MVB12B: variants seen among roughly 807,000 people sequenced by gnomAD.
The protein encoded by MVB12B is multivesicular body subunit 12B.
Under a neutral mutation model 41.6 loss-of-function variants are expected in MVB12B, and 16 were observed. That is an observed-to-expected ratio of 0.38 (90% CI 0.26 to 0.58). The LOEUF is 0.58. Ranked by LOEUF, MVB12B falls within the 20% of genes least tolerant of loss-of-function variation. The pLI is 0.62. For synonymous variants in MVB12B, 133 were observed against 139.7 expected, an observed-to-expected ratio of 0.95 and a Z score of 0.34; for missense variants, 274 against 380.2, an observed-to-expected ratio of 0.72 and a Z score of 2.32.
At chr9:126,496,242 T>TACCCAACCATCCATCCACCTACCC (rs1258965993) in intron 9 of MVB12B, among the ~76,000 whole-genome samples, 1 of 86,344 alleles carries the variant, frequency 1.2e-5, no homozygotes, top group Non-Finnish European at 2.1e-5. Context: ...TACACCCACT[T>TACCCAACCATCCATCCACCTACCC]ACCCAACCAT....
At chr9:126,434,353 T>C (rs552783838) in intron 7 of MVB12B, among the ~76,000 whole-genome samples, 1 of 152,354 alleles carries the variant, frequency 6.6e-6, no homozygotes, top group South Asian at 2.1e-4. Context: ...TACAATTGTC[T>C]GTAAGACAAT....
In MVB12B at chr9:126,396,463, T is replaced by G. The variant is rs1302682143; in HGVS notation, c.662+766T>G. The G allele has an allele frequency of 1.1e-4, 112 of 985,372 alleles. 1 individual carries two copies. The highest frequency in any genetic ancestry group is 1.3e-4 in the Non-Finnish European group (106 of 829,972). 61.0% of individuals were successfully genotyped at this position (985,372 alleles called of 1,614,324 possible). The stretch of plus-strand genomic sequence containing the variant: ...CACTTAGGGATTGACATAACGTAAA[T>G]GAGAATGGATCTCCAAGCTTCCACG... On this transcript the variant is annotated intron_variant, in intron 6 of 9. Coordinates refer to ENST00000361171, the MANE Select transcript of MVB12B (RefSeq NM_033446.3).
intron 7 of MVB12B, among the ~76,000 whole-genome samples, chr9:126,429,500 G>A (rs1036158263): frequency 1.3e-5 from 2 of 152,262 alleles, no homozygotes; most frequent in Admixed American, 1.3e-4. Context: ...TGTTTAGATG[G>A]CAGAGTGGGA....
rs377701129 is a variant in MVB12B, at chr9:126,503,172, T to C, written c.874-5T>C. 315 of 1,549,952 alleles carry C rather than the reference T, an allele frequency of 2.0e-4. No homozygotes were observed. Among genetic ancestry groups the C allele is most frequent in the Non-Finnish European group, 2.5e-4 (292 of 1,146,354 alleles). On this transcript the variant is annotated splice_region_variant and splice_polypyrimidine_tract_variant and intron_variant, in intron 9 of 9. Coordinates refer to ENST00000361171, the MANE Select transcript of MVB12B (RefSeq NM_033446.3). ...GTGTCTCTCTGTCCCCACCCGCCCC[T>C]GCAGTACGAGTACAGCTTCCGCACA...
chr9:126,350,940 T>C (rs1829729474), intron 2 of MVB12B, among the ~76,000 whole-genome samples: 1 of 152,210 alleles, frequency 6.6e-6, no homozygotes, highest in African/African-American at 2.4e-5. Context: ...GGGGTTTTAA[T>C]GGCAATTGAT....
At chr9:126,342,319 C>T (rs1239535025) in intron 2 of MVB12B, among the ~76,000 whole-genome samples, 1 of 152,156 alleles carries the variant, frequency 6.6e-6, no homozygotes, top group Non-Finnish European at 1.5e-5. Context: ...TTTTGTTGAT[C>T]TGTATCTTTA....
intron 7 of MVB12B, among the ~76,000 whole-genome samples, chr9:126,451,248 G>T (rs749110136): frequency 6.6e-6 from 1 of 152,212 alleles, no homozygotes; most frequent in African/African-American, 2.4e-5. Flanking sequence ...GGCATGAAAA[G>T]CCTCATTCAA....
intron 3 of MVB12B, among the ~76,000 whole-genome samples, chr9:126,385,680 T>C (rs923110052): frequency 2.6e-5 from 4 of 152,174 alleles, no homozygotes; most frequent in African/African-American, 7.2e-5. Flanking sequence ...ACAGGAGAGA[T>C]TTGGGATTTG....
At chr9:126,445,613 A>G (rs1269822684) in intron 7 of MVB12B, among the ~76,000 whole-genome samples, 1 of 151,548 alleles carries the variant, frequency 6.6e-6, no homozygotes, top group Non-Finnish European at 1.5e-5. Context: ...TGCATTGCCC[A>G]TTATGTTTTC....
At chr9:126,471,872 C>CAATA (rs1470922194) in intron 7 of MVB12B, among the ~76,000 whole-genome samples, 8 of 152,132 alleles carry the variant, frequency 5.3e-5, no homozygotes, top group Non-Finnish European at 1.5e-5. Context: ...CATTGTTCAC[C>CAATA]AGCATCTCTG....
rs1833107027 is a variant in MVB12B, at chr9:126,462,309, T to C, written c.758-19060T>C. Among the ~76,000 whole-genome samples the C allele has an allele frequency of 3.3e-5, 5 of 152,202 alleles. No individual in the cohort carries two copies. In the South Asian group the frequency reaches 1.0e-3, roughly 32 times the overall value. Reference sequence around the variant, plus strand: ...TTGGAAGTGATGAAAACCAATTTCGTAAACACAGGGTAATATTTTACGGGG... The same window carrying C: ...TTGGAAGTGATGAAAACCAATTTCGCAAACACAGGGTAATATTTTACGGGG... On this transcript the variant is annotated intron_variant, in intron 7 of 9. Coordinates refer to ENST00000361171, the MANE Select transcript of MVB12B (RefSeq NM_033446.3).
chr9:126,431,038 AAG>A (rs1832315743), intron 7 of MVB12B, among the ~76,000 whole-genome samples: 2 of 152,242 alleles, frequency 1.3e-5, no homozygotes, highest in Admixed American at 1.3e-4. Flanking sequence ...TGATCCAAGA[AAG>A]AGCCCAAAGA....
chr9:126,382,838 G>C (rs921690700), intron 3 of MVB12B, among the ~76,000 whole-genome samples: 1 of 152,128 alleles, frequency 6.6e-6, no homozygotes, highest in Non-Finnish European at 1.5e-5. Flanking sequence ...GAAGTCACTG[G>C]GGCTTGTTAG....
At chr9:126,428,501 A>AG (rs1198831131) in intron 7 of MVB12B, among the ~76,000 whole-genome samples, 1 of 152,074 alleles carries the variant, frequency 6.6e-6, no homozygotes, top group Non-Finnish European at 1.5e-5. Flanking sequence ...TCTCTTAATT[A>AG]GGAAAAAAAA....
chr9:126,368,864 C>G (rs887576577), intron 2 of MVB12B, among the ~76,000 whole-genome samples: 1 of 152,184 alleles, frequency 6.6e-6, no homozygotes, highest in Admixed American at 6.5e-5. Context: ...AAATGACTTA[C>G]AGAAATACAT....
At chr9:126,476,461 G>A (rs1295222277) in intron 7 of MVB12B, among the ~76,000 whole-genome samples, 2 of 152,248 alleles carry the variant, frequency 1.3e-5, no homozygotes, top group Non-Finnish European at 2.9e-5. Context: ...CCCGCTCCCT[G>A]CAGTCTCTCA....
At chr9:126,352,065 A>G (rs958974402) in intron 2 of MVB12B, among the ~76,000 whole-genome samples, 1 of 152,102 alleles carries the variant, frequency 6.6e-6, no homozygotes. Context: ...CATGGTATAT[A>G]ATTCTTTCTA....
chr9:126,444,373 G>C (rs1247217674), intron 7 of MVB12B, among the ~76,000 whole-genome samples: 4 of 151,960 alleles, frequency 2.6e-5, no homozygotes, highest in African/African-American at 4.8e-5. Context: ...TTGCTAACTG[G>C]TAATTTTTTT....
intron 7 of MVB12B, among the ~76,000 whole-genome samples, chr9:126,449,816 C>G (rs962171908): frequency 3.9e-5 from 6 of 152,158 alleles, no homozygotes; most frequent in African/African-American, 1.4e-4. Flanking sequence ...AGCTAAGTCA[C>G]CTTCATATAT....
Sources: gnomAD v4.1 joint callset for allele counts (sites outside exome capture counted in the v4.1 genomes callset) on GRCh38, gnomAD v4.1.1 for gene constraint, MANE v1.5 for transcripts, NCBI Gene and HGNC (gene_info 2026-07-23, HGNC 2026-07-21) for gene names.